Variants in NAALADL2 observed in about 807,000 individuals in gnomAD.
NAALADL2 encodes N-acetylated alpha-linked acidic dipeptidase like 2.
NAALADL2 carries 76 observed loss-of-function variants against 87.2 expected under a neutral mutation model. The observed-to-expected ratio is 0.87, with a 90% CI of 0.72 to 1.05. NAALADL2 has a LOEUF of 1.05. NAALADL2 is among the 50% of genes least tolerant of loss of function. The probability of loss-of-function intolerance (pLI) is 0.00; values close to 1 mark genes in which losing one functional copy is unlikely to be tolerated. For synonymous variants in NAALADL2, 354 were observed against 331.0 expected, an observed-to-expected ratio of 1.07 and a Z score of -0.75; for missense variants, 1,089 against 945.8, an observed-to-expected ratio of 1.15 and a Z score of -1.99.
At chr3:175,404,469 G>A (rs754400376) in intron 5 of NAALADL2, among the ~76,000 whole-genome samples, 84 of 152,210 alleles carry the variant, frequency 5.5e-4, no homozygotes, top group Middle Eastern at 6.8e-3. Flanking sequence ...TGCAAAAGCC[G>A]TGTGAGTCTA....
intron 3 of NAALADL2, among the ~76,000 whole-genome samples, chr3:174,813,619 T>C (rs6784914): frequency 0.021 from 3,162 of 152,292 alleles, 116 homozygotes; most frequent in African/African-American, 0.071. Context: ...GAACTTATCC[T>C]TGTTGATATT....
At chr3:175,046,492 C>T (rs1198671671) in intron 1 of NAALADL2, among the ~76,000 whole-genome samples, 10 of 152,104 alleles carry the variant, frequency 6.6e-5, no homozygotes, top group Non-Finnish European at 1.2e-4. Flanking sequence ...TTTATCTAAG[C>T]ACAAGTGGCA....
chr3:174,741,540 A>G (rs897586629), intron 3 of NAALADL2, among the ~76,000 whole-genome samples: 6 of 151,576 alleles, frequency 4.0e-5, no homozygotes, highest in African/African-American at 1.2e-4. Context: ...TATTTTTAAG[A>G]ATCTTCTGTC....
At chr3:175,667,223 G>GAAAAAGAAAGAAAGAA (rs1156518991) in intron 11 of NAALADL2, among the ~76,000 whole-genome samples, 3 of 127,028 alleles carry the variant, frequency 2.4e-5, no homozygotes, top group African/African-American at 1.2e-4. Context: ...AAGAAAGAAA[G>GAAAAAGAAAGAAAGAA]AAAGAAAGAA....
At chr3:175,722,239 G>A (rs995155061) in intron 11 of NAALADL2, among the ~76,000 whole-genome samples, 12 of 152,040 alleles carry the variant, frequency 7.9e-5, no homozygotes, top group African/African-American at 2.9e-4. Context: ...ATCAGTTGCT[G>A]CCCCATAAAT....
chr3:174,910,083 G>A (rs917689030), intron 1 of NAALADL2, among the ~76,000 whole-genome samples: 1 of 151,908 alleles, frequency 6.6e-6, no homozygotes, highest in Admixed American at 6.6e-5. Context: ...TCTAAATTGT[G>A]TTCATCAGAG....
chr3:175,042,793 A>G (rs1034333946), intron 1 of NAALADL2, among the ~76,000 whole-genome samples: 1 of 152,168 alleles, frequency 6.6e-6, no homozygotes, highest in Non-Finnish European at 1.5e-5. Context: ...TCCAAACCTC[A>G]TATTGAAATG....
At chr3:174,716,796 C>T (rs1030083712) in intron 2 of NAALADL2, among the ~76,000 whole-genome samples, 17 of 151,904 alleles carry the variant, frequency 1.1e-4, no homozygotes, top group East Asian at 1.9e-4. Context: ...ATGTACAGTT[C>T]GGTATGAAAA....
intron 1 of NAALADL2, among the ~76,000 whole-genome samples, chr3:174,468,777 T>G (rs1358983425): frequency 1.4e-4 from 21 of 151,498 alleles, no homozygotes; most frequent in African/African-American, 3.9e-4. Flanking sequence ...TTTTTTTTTT[T>G]TTGAGACGGA....
intron 4 of NAALADL2, among the ~76,000 whole-genome samples, chr3:175,266,684 C>T (rs563295863): frequency 1.6e-4 from 24 of 151,708 alleles, no homozygotes; most frequent in African/African-American, 5.1e-4. Flanking sequence ...GGGTAAATTT[C>T]GTCATATATA....
chr3:174,571,418 C>G (rs367868600), intron 2 of NAALADL2, among the ~76,000 whole-genome samples: 1 of 151,860 alleles, frequency 6.6e-6, no homozygotes, highest in Non-Finnish European at 1.5e-5. Flanking sequence ...CTCTTTTTGC[C>G]CAGGCTGGAG....
chr3:175,294,033 A>G (rs1360794324), intron 4 of NAALADL2, among the ~76,000 whole-genome samples: 2 of 152,146 alleles, frequency 1.3e-5, no homozygotes, highest in Non-Finnish European at 2.9e-5. Flanking sequence ...TAGTCCAGGT[A>G]CACCGAGCAG....
intron 1 of NAALADL2, among the ~76,000 whole-genome samples, chr3:174,532,239 C>T (rs1038393514): frequency 1.3e-5 from 2 of 152,084 alleles, no homozygotes; most frequent in Non-Finnish European, 2.9e-5. Context: ...GTGAGGAGGA[C>T]TGAGACAGAC....
chr3:175,299,355 GC>G (rs1265349635), intron 4 of NAALADL2, among the ~76,000 whole-genome samples: 4 of 151,928 alleles, frequency 2.6e-5, no homozygotes, highest in African/African-American at 9.7e-5. Context: ...GATGGGGATA[GC>G]ATTCAATCTG....
At chr3:174,744,454 T>A (rs1277579836) in intron 3 of NAALADL2, among the ~76,000 whole-genome samples, 1 of 152,056 alleles carries the variant, frequency 6.6e-6, no homozygotes, top group Non-Finnish European at 1.5e-5. Context: ...ATAAAACAAG[T>A]TCTTAGAGAC....
At chr3:175,236,663 G>C (rs1402289818) in intron 3 of NAALADL2, among the ~76,000 whole-genome samples, 3 of 152,088 alleles carry the variant, frequency 2.0e-5, no homozygotes, top group Non-Finnish European at 4.4e-5. Context: ...TAATGGAGGT[G>C]GTGGTGGAGG....
At chr3:175,273,127 C>T (rs1753100585) in intron 4 of NAALADL2, among the ~76,000 whole-genome samples, 3 of 151,864 alleles carry the variant, frequency 2.0e-5, no homozygotes, top group African/African-American at 7.3e-5. Flanking sequence ...TTTCTAATTG[C>T]AAAACATTAG....
rs71164650 is a variant in NAALADL2 at position 175,737,714 on chromosome 3, GTTTTTTTT to G, written c.1990+338_1990+345del. 5.9e-3 allele frequency among the ~76,000 whole-genome samples: 323 copies of G among 54,762 alleles called. 2 individuals are homozygous for G. The highest frequency in any genetic ancestry group is 0.024 in the Middle Eastern group (1 of 42). The allele number at this position is 54,762 out of a possible 152,430, so 35.9% of individuals were successfully genotyped here. ...TAGAATAATACAGTTCAATGATCCA[GTTTTTTTT>G]TTTTTTTTTTTTTTTTTTTTTTAAC... is the stretch of plus-strand genomic sequence containing the variant. On this transcript the variant is annotated intron_variant, in intron 12 of 13. Coordinates refer to ENST00000454872, the MANE Select transcript of NAALADL2 (RefSeq NM_207015.3).
chr3:175,040,642 C>T (rs138564731), intron 1 of NAALADL2, among the ~76,000 whole-genome samples: 98 of 152,180 alleles, frequency 6.4e-4, no homozygotes, highest in African/African-American at 2.1e-3. Flanking sequence ...TTTCCATCTA[C>T]GATAGTATAC....
Sources: allele counts gnomAD v4.1 joint callset (sites outside exome capture counted in the v4.1 genomes callset), GRCh38; gene constraint gnomAD v4.1.1; transcripts MANE v1.5; gene names NCBI Gene and HGNC (gene_info 2026-07-23, HGNC 2026-07-21).